The following DAB1 variants were observed in gnomAD, a reference collection of about 807,000 sequenced individuals.
DAB1 encodes DAB adaptor protein 1.
A neutral mutation model predicts 64.6 loss-of-function variants in DAB1; 15 were observed. That is an observed-to-expected ratio of 0.23 (90% CI 0.16 to 0.36). The LOEUF (loss-of-function observed/expected upper bound fraction) is 0.36. Among genes scored for constraint, DAB1 ranks in the 10% least tolerant of loss-of-function variants. The probability of loss-of-function intolerance (pLI) is 1.00; values close to 1 mark genes in which losing one functional copy is unlikely to be tolerated. For missense variants in DAB1, 596 were observed against 706.7 expected, an observed-to-expected ratio of 0.84 and a Z score of 1.78; for synonymous variants, 235 against 251.9, an observed-to-expected ratio of 0.93 and a Z score of 0.64.
rs138106457 is a variant in DAB1 at position 58,524,840 on chromosome 1, G to T, written n.107+2421C>A. Reference sequence around the variant, plus strand: ...TTGCACTAAACACAATGAAAAATATGCAAGAACTGCAAGAGACCATTTACT... The same window carrying T: ...TTGCACTAAACACAATGAAAAATATTCAAGAACTGCAAGAGACCATTTACT... On this transcript the variant is annotated intron_variant and non_coding_transcript_variant, in intron 2 of 20. Transcript: ENST00000485760. Among the ~76,000 whole-genome samples, 1,153 of 152,284 alleles carry T rather than the reference G, an allele frequency of 7.6e-3. 7 individuals are homozygous for T. The highest frequency in any genetic ancestry group is 0.02 in the African/African-American group (816 of 41,560).
At chr1:58,147,637 T>TATGTAAA (rs1016841507) in intron 5 of DAB1, among the ~76,000 whole-genome samples, 2 of 151,986 alleles carry the variant, frequency 1.3e-5, no homozygotes, top group African/African-American at 2.4e-5. Flanking sequence ...GTATAGCCAT[T>TATGTAAA]ATGTAAAATA....
intron 4 of DAB1, among the ~76,000 whole-genome samples, chr1:57,082,298 C>A (rs1230484037): frequency 6.6e-6 from 1 of 152,180 alleles, no homozygotes; most frequent in Admixed American, 6.6e-5. Context: ...AGGTACTGAG[C>A]ACTTCAATGA....
intron 3 of DAB1, among the ~76,000 whole-genome samples, chr1:58,450,259 T>C (rs558937599): frequency 3.5e-4 from 54 of 152,276 alleles, no homozygotes; most frequent in African/African-American, 1.1e-3. Flanking sequence ...CCTGTTGATT[T>C]TTCCTCCAGG....
At chr1:57,627,192 G>A (rs1266788219) in intron 7 of DAB1, among the ~76,000 whole-genome samples, 1 of 152,152 alleles carries the variant, frequency 6.6e-6, no homozygotes, top group Non-Finnish European at 1.5e-5. Context: ...TGGTGTTCCT[G>A]GTTCTCACAC....
At chr1:58,491,658 G>C (rs906771962) in intron 3 of DAB1, among the ~76,000 whole-genome samples, 3 of 152,106 alleles carry the variant, frequency 2.0e-5, no homozygotes, top group Non-Finnish European at 4.4e-5. Flanking sequence ...AAGATCAAAA[G>C]AGACAAAGAA....
chr1:57,400,758 C>T (rs1204153194), intron 1 of DAB1, among the ~76,000 whole-genome samples: 2 of 151,854 alleles, frequency 1.3e-5, no homozygotes, highest in Non-Finnish European at 2.9e-5. Flanking sequence ...GCAATCATAG[C>T]TTGTGCCCAT....
intron 1 of DAB1, among the ~76,000 whole-genome samples, chr1:57,828,271 A>T (rs1319639721): frequency 1.3e-5 from 2 of 152,216 alleles, no homozygotes; most frequent in African/African-American, 4.8e-5. Flanking sequence ...TAGAGGAGAA[A>T]GCTGAAGTTC....
chr1:58,409,355 A>G (rs964704487), intron 3 of DAB1, among the ~76,000 whole-genome samples: 1 of 152,220 alleles, frequency 6.6e-6, no homozygotes, highest in Non-Finnish European at 1.5e-5. Flanking sequence ...GCTCAAAAAA[A>G]TAAACAAAAA....
chr1:57,674,059 T>A (rs1339206706), intron 6 of DAB1, among the ~76,000 whole-genome samples: 1 of 152,156 alleles, frequency 6.6e-6, no homozygotes, highest in African/African-American at 2.4e-5. Context: ...AAAATGTTTA[T>A]TGAGTAATAG....
At chr1:57,649,503 G>A (rs555096388) in intron 7 of DAB1, 7 of 152,124 alleles carry the variant, frequency 4.6e-5, no homozygotes, top group East Asian at 1.9e-4. Context: ...CTACCACTTC[G>A]AGAGAACCCA....
intron 1 of DAB1, among the ~76,000 whole-genome samples, chr1:57,414,953 T>G (rs1343137765): frequency 6.6e-6 from 1 of 152,148 alleles, no homozygotes; most frequent in Admixed American, 6.5e-5. Context: ...TCTATAAGTT[T>G]GATAAAACTC....
intron 2 of DAB1, among the ~76,000 whole-genome samples, chr1:57,232,241 A>G (rs1191456644): frequency 1.6e-5 from 2 of 123,014 alleles, no homozygotes; most frequent in Non-Finnish European, 3.3e-5. Context: ...TAAACCCATT[A>G]TTATTCCTGC....
chr1:57,306,740 C>T (rs1674218472), intron 1 of DAB1: 1 of 152,008 alleles, frequency 6.6e-6, no homozygotes, highest in Non-Finnish European at 1.5e-5. Context: ...GCATATCTAA[C>T]AACATTTTTA....
intron 5 of DAB1, among the ~76,000 whole-genome samples, chr1:58,092,136 A>C (rs1178551134): frequency 6.6e-6 from 1 of 151,986 alleles, no homozygotes; most frequent in Non-Finnish European, 1.5e-5. Context: ...GGAGTTCAAG[A>C]CCAGCTTGGC....
intron 4 of DAB1, among the ~76,000 whole-genome samples, chr1:58,260,242 T>C (rs1661018857): frequency 6.6e-6 from 1 of 152,108 alleles, no homozygotes. Context: ...GAGCCGCCCT[T>C]CTCACCTTCG....
chr1:57,061,232 G>C lies in DAB1; in HGVS notation c.723+1652C>G, dbSNP rs866906511. On this transcript the variant is annotated intron_variant, in intron 9 of 14. Transcript: ENST00000371236. Reference sequence around the variant, plus strand: ...GTTTCAGAAGCCATATTTAGATGGGGGGGGGGGGTGGTTTCAAGATCCTGG... The same window carrying C: ...GTTTCAGAAGCCATATTTAGATGGGCGGGGGGGGTGGTTTCAAGATCCTGG... Among the ~76,000 whole-genome samples the C allele has an allele frequency of 8.7e-5, 13 of 149,192 alleles. No individual in the cohort carries two copies. The East Asian group carries it at 9.9e-4, about 11-fold the overall frequency.
At chr1:57,635,176 C>A (rs1449527837) in intron 7 of DAB1, among the ~76,000 whole-genome samples, 1 of 152,052 alleles carries the variant, frequency 6.6e-6, no homozygotes, top group East Asian at 1.9e-4. Context: ...AAGTTTAAGC[C>A]CCAATGCAAA....
At chr1:57,220,284 T>C (rs2100378730) in intron 2 of DAB1, among the ~76,000 whole-genome samples, 1 of 152,314 alleles carries the variant, frequency 6.6e-6, no homozygotes, top group South Asian at 2.1e-4. Context: ...TAGTGGAACA[T>C]ACCCATAGAG....
At chr1:57,043,735 T>A (rs1399447563) in intron 9 of DAB1, among the ~76,000 whole-genome samples, 1 of 151,908 alleles carries the variant, frequency 6.6e-6, no homozygotes, top group South Asian at 2.1e-4. Flanking sequence ...TAGTCCCAGC[T>A]ACTCAGGATG....
Sources: gnomAD v4.1 joint callset for allele counts (sites outside exome capture counted in the v4.1 genomes callset) on GRCh38, gnomAD v4.1.1 for gene constraint, MANE v1.5 for transcripts, NCBI Gene and HGNC (gene_info 2026-07-23, HGNC 2026-07-21) for gene names.